CNTN5: variants seen among roughly 807,000 people sequenced by gnomAD.
The protein encoded by CNTN5 is contactin-5.
A neutral mutation model predicts 129.1 loss-of-function variants in CNTN5; 77 were observed. The ratio of observed to expected loss-of-function variants is 0.60; its 90% CI spans 0.50 to 0.72. The LOEUF is 0.72. Among genes scored for constraint, CNTN5 ranks in the 30% least tolerant of loss-of-function variants. CNTN5 has a pLI of 0.00. For missense variants in CNTN5, 1,478 were observed against 1,328.8 expected, an observed-to-expected ratio of 1.11 and a Z score of -1.75; for synonymous variants, 509 against 465.6, an observed-to-expected ratio of 1.09 and a Z score of -1.20.
At chr11:99,348,183 C>CA (rs1938036250) in intron 2 of CNTN5, among the ~76,000 whole-genome samples, 1 of 152,112 alleles carries the variant, frequency 6.6e-6, no homozygotes, top group South Asian at 2.1e-4. Flanking sequence ...ACTAAAAATA[C>CA]AAAAAATTAG....
chr11:99,340,615 A>C (rs1259442937), intron 2 of CNTN5, among the ~76,000 whole-genome samples: 1 of 152,198 alleles, frequency 6.6e-6, no homozygotes, highest in East Asian at 1.9e-4. Flanking sequence ...ACTTGCTAAG[A>C]GCTTTTGCAA....
rs1271189154 is a variant in CNTN5 at position 99,325,376 on chromosome 11, T to C, written c.-179T>C. 1 of 152,180 alleles carries C rather than the reference T, an allele frequency of 6.6e-6. No homozygotes were observed. Among genetic ancestry groups the C allele is most frequent in the Non-Finnish European group, 1.5e-5 (1 of 68,022 alleles). 9.4% of individuals were successfully genotyped at this position (152,180 alleles called of 1,614,324 possible). A position where few individuals can be genotyped will look rare whatever the true frequency, so the allele number is the denominator to read the frequency against. Reference sequence around the variant, plus strand: ...TTTAAAGGATTGCCATTTAATGCCATTCAAGATCTACTAAGCATCATTTTT... The same window carrying C: ...TTTAAAGGATTGCCATTTAATGCCACTCAAGATCTACTAAGCATCATTTTT... On this transcript the variant is annotated 5_prime_UTR_variant, in exon 2 of 25. Coordinates refer to ENST00000524871, the MANE Select transcript of CNTN5 (RefSeq NM_014361.4).
At chr11:99,070,978 T>A (rs1054999012) in intron 1 of CNTN5, among the ~76,000 whole-genome samples, 2 of 152,128 alleles carry the variant, frequency 1.3e-5, no homozygotes, top group Non-Finnish European at 2.9e-5. Context: ...ACTCAATAAG[T>A]CTGTGACCGG....
At chr11:99,906,666 A>C (rs940985394) in intron 6 of CNTN5, among the ~76,000 whole-genome samples, 5 of 152,138 alleles carry the variant, frequency 3.3e-5, no homozygotes, top group Non-Finnish European at 7.4e-5. Flanking sequence ...TCATAAAATG[A>C]GTTAGAGAGG....
At chr11:99,659,683 A>T (rs1314824251) in intron 3 of CNTN5, among the ~76,000 whole-genome samples, 1 of 152,144 alleles carries the variant, frequency 6.6e-6, no homozygotes, top group Non-Finnish European at 1.5e-5. Flanking sequence ...TGGAAACCTC[A>T]GTCTTTTTTA....
At chr11:99,869,067 A>G (rs1337744927) in intron 6 of CNTN5, among the ~76,000 whole-genome samples, 1 of 152,118 alleles carries the variant, frequency 6.6e-6, no homozygotes, top group East Asian at 1.9e-4. Context: ...ATATTTATCA[A>G]CGTCTCAAAA....
chr11:99,687,942 G>C lies in CNTN5; in HGVS notation c.56-131602G>C, dbSNP rs144919661. ...ATTTAATATTTAGAAGCATATGCTTGGTCAGCAGCATTCTGAACTACAGCT... is the reference window on the plus strand; with the variant it reads ...ATTTAATATTTAGAAGCATATGCTTCGTCAGCAGCATTCTGAACTACAGCT... On this transcript the variant is annotated intron_variant, in intron 3 of 24. Coordinates refer to ENST00000524871, the MANE Select transcript of CNTN5 (RefSeq NM_014361.4). Among the ~76,000 whole-genome samples the C allele has an allele frequency of 2.5e-3, 384 of 152,154 alleles. 2 individuals carry two copies. Among genetic ancestry groups the C allele is most frequent in the African/African-American group, 8.8e-3 (365 of 41,510 alleles).
At chr11:99,639,567 T>A (rs917924635) in intron 3 of CNTN5, among the ~76,000 whole-genome samples, 1 of 139,398 alleles carries the variant, frequency 7.2e-6, no homozygotes, top group African/African-American at 2.7e-5. Flanking sequence ...ATGTTTTTTT[T>A]TTTTTTTTTT....
Position 100,231,467 on chromosome 11 carries a change from G to A in CNTN5, c.2005+6655G>A, listed in dbSNP as rs145295464. ...AAAATGAGAACGAGAAGGCAAAGAAGATTGCCAATTGCAATGCTTGAGTGG... is the reference window on the plus strand; with the variant it reads ...AAAATGAGAACGAGAAGGCAAAGAAAATTGCCAATTGCAATGCTTGAGTGG... On this transcript the variant is annotated intron_variant, in intron 16 of 24. Coordinates refer to ENST00000524871, the MANE Select transcript of CNTN5 (RefSeq NM_014361.4). 1.8e-4 allele frequency among the ~76,000 whole-genome samples: 27 copies of A among 152,290 alleles called. No individual in the cohort carries two copies. The East Asian group carries it at 4.8e-3, about 27-fold the overall frequency.
chr11:100,349,818 G>C (rs976371508), intron 23 of CNTN5, among the ~76,000 whole-genome samples: 1 of 151,756 alleles, frequency 6.6e-6, no homozygotes, highest in Admixed American at 6.6e-5. Context: ...GCAAGTAATA[G>C]TACAATATAG....
chr11:99,572,231 A>G (rs1014231922), intron 3 of CNTN5, among the ~76,000 whole-genome samples: 9 of 152,234 alleles, frequency 5.9e-5, no homozygotes, highest in African/African-American at 1.7e-4. Context: ...TGGGTCACAC[A>G]TAAAATACAC....
At chr11:99,713,278 T>G (rs538176036) in intron 3 of CNTN5, among the ~76,000 whole-genome samples, 1 of 152,104 alleles carries the variant, frequency 6.6e-6, no homozygotes, top group Non-Finnish European at 1.5e-5. Flanking sequence ...ATGATTTGGC[T>G]CTCTGTTTTT....
chr11:99,906,728 C>A (rs1354304294), intron 6 of CNTN5, among the ~76,000 whole-genome samples: 1 of 152,098 alleles, frequency 6.6e-6, no homozygotes, highest in Admixed American at 6.6e-5. Context: ...GGTACCAGCT[C>A]CTCTTTGTAC....
At position 99,337,773 on chromosome 11, in the gene CNTN5, A is replaced by G. The variant is rs1423131287; in HGVS notation, c.-71+12289A>G. Among the ~76,000 whole-genome samples the G allele has an allele frequency of 2.0e-5, 3 of 152,126 alleles. No homozygotes were observed. In the East Asian group the frequency reaches 5.8e-4, roughly 29 times the overall value. ...TTTCCGGGACTATCTATTATTTTCC[A>G]CTTGAGGCTATTCAAAGAAAAAAAT... On this transcript the variant is annotated intron_variant, in intron 2 of 24. Coordinates refer to ENST00000524871, the MANE Select transcript of CNTN5 (RefSeq NM_014361.4).
chr11:100,261,034 T>C (rs1031181606), intron 17 of CNTN5, among the ~76,000 whole-genome samples: 2 of 152,182 alleles, frequency 1.3e-5, no homozygotes, highest in Admixed American at 1.3e-4. Flanking sequence ...CATGACTGTA[T>C]ATTTAGAAAA....
intron 2 of CNTN5, among the ~76,000 whole-genome samples, chr11:99,520,009 C>A (rs1947213403): frequency 6.6e-6 from 1 of 152,038 alleles, no homozygotes; most frequent in East Asian, 1.9e-4. Flanking sequence ...ATTTTTGTGG[C>A]AACCTTTTGT....
chr11:99,430,287 A>T (rs146606522), intron 2 of CNTN5, among the ~76,000 whole-genome samples: 1 of 152,052 alleles, frequency 6.6e-6, no homozygotes, highest in Non-Finnish European at 1.5e-5. Flanking sequence ...TTGTTTAAAA[A>T]AACGAAAGGT....
At chr11:99,848,282 T>A (rs988583913) in intron 6 of CNTN5, among the ~76,000 whole-genome samples, 2 of 152,164 alleles carry the variant, frequency 1.3e-5, no homozygotes, top group African/African-American at 4.8e-5. Context: ...AAGACCAGGC[T>A]TGTAGGTCAA....
intron 5 of CNTN5, 45 bp downstream of exon 5, chr11:99,845,020 T>A (rs200799177): frequency 1.2e-6 from 2 of 1,609,536 alleles, no homozygotes; most frequent in Non-Finnish European, 1.7e-6. Context: ...TTAAAAACTT[T>A]CCATCAATGA....
Sources: gnomAD v4.1 joint callset for allele counts (sites outside exome capture counted in the v4.1 genomes callset) on GRCh38, gnomAD v4.1.1 for gene constraint, MANE v1.5 for transcripts, NCBI Gene and HGNC (gene_info 2026-07-23, HGNC 2026-07-21) for gene names.